Variants in LRRC17 observed in about 807,000 individuals in gnomAD.
The protein encoded by LRRC17 is leucine rich repeat containing 17, also known as leucine-rich repeat-containing protein 17.
LRRC17 carries 33 observed loss-of-function variants against 41.5 expected under a neutral mutation model. The ratio of observed to expected loss-of-function variants is 0.80; its 90% confidence interval spans 0.60 to 1.06. The LOEUF (loss-of-function observed/expected upper bound fraction) is 1.06. LRRC17 is among the 50% of genes least tolerant of loss of function. The pLI is 0.00. For missense variants in LRRC17, 491 were observed against 519.3 expected (o/e 0.95, Z 0.53); for synonymous variants, 192 against 197.0 (o/e 0.97, Z 0.21).
At position 102,933,959 on chromosome 7, in the gene LRRC17, G is replaced by A; in HGVS notation, c.46G>A (p.Ala16Thr). The change falls in exon 2 of 4, where the codon GCT (alanine) becomes ACT (threonine). Residue 16 changes from alanine (A) to threonine (T), a missense_variant. Transcript: ENST00000339431. ...AATCTTGCTCTGCTTTTGCAAAGCG[G>A]CTGAGCTGCGCAAAGCAAGCCCAGG... ...IVILLCFCKAAELRKASPGSV... is the reference protein window; with the variant it reads ...IVILLCFCKATELRKASPGSV... The A allele has an allele frequency of 6.2e-7, 1 of 1,613,554 alleles. No individual in the cohort carries two copies. Among genetic ancestry groups the A allele is most frequent in the Non-Finnish European group, 8.5e-7 (1 of 1,179,640 alleles).
intron 1 of LRRC17, among the ~76,000 whole-genome samples, chr7:102,921,628 C>T (rs1246960116): frequency 2.0e-5 from 3 of 151,300 alleles, no homozygotes; most frequent in African/African-American, 7.3e-5. Context: ...TATGGTGAGC[C>T]GAGATCATAC....
chr7:102,923,362 A>G (rs1321885931), intron 1 of LRRC17, among the ~76,000 whole-genome samples: 3 of 152,166 alleles, frequency 2.0e-5, no homozygotes, highest in African/African-American at 7.2e-5. Context: ...ATATTGGCCA[A>G]TTCCAAGCTA....
chr7:102,942,315 T>C, intron 3 of LRRC17: 2 of 1,595,320 alleles, frequency 1.3e-6, no homozygotes, highest in Admixed American at 1.7e-5. Context: ...ACCCTGCAAG[T>C]AGACTTACGT....
intron 3 of LRRC17, chr7:102,942,257 A>T: frequency 1.3e-6 from 2 of 1,558,692 alleles, no homozygotes; most frequent in Non-Finnish European, 8.7e-7. Flanking sequence ...TGACCTAAAG[A>T]AGTTTTAAAA....
intron 1 of LRRC17, among the ~76,000 whole-genome samples, chr7:102,922,568 C>G (rs1817268182): frequency 6.6e-6 from 1 of 152,084 alleles, no homozygotes; most frequent in Non-Finnish European, 1.5e-5. Flanking sequence ...ATAAAACATA[C>G]CATATTCTTT....
chr7:102,915,001 G>A (rs894372719), intron 1 of LRRC17, among the ~76,000 whole-genome samples: 1 of 152,036 alleles, frequency 6.6e-6, no homozygotes, highest in Non-Finnish European at 1.5e-5. Context: ...GTGACACAGT[G>A]CAAAATACAC....
At position 102,944,211 on chromosome 7, in the gene LRRC17, C is replaced by T. The variant is rs149961330; in HGVS notation, c.930C>T (p.Ala310=). The change falls in exon 4 of 4, where the codon GCC becomes GCT. Residue 310 remains alanine, a splice_region_variant and synonymous_variant. Transcript: ENST00000339431. ...SSNGIEFIDP[A]AFLGLTHLEE... ...TCAATAAATATTTTCTGTTTCCAGCCGCTTTTTTAGGGCTCACACATTTAG... is the reference window on the plus strand; with the variant it reads ...TCAATAAATATTTTCTGTTTCCAGCTGCTTTTTTAGGGCTCACACATTTAG... 14 of 1,597,242 alleles carry T rather than the reference C, an allele frequency of 8.8e-6. No individual in the cohort carries two copies. Among genetic ancestry groups the T allele is most frequent in the East Asian group, 2.2e-5 (1 of 44,806 alleles).
intron 1 of LRRC17, among the ~76,000 whole-genome samples, chr7:102,917,501 G>A (rs1448740438): frequency 6.6e-6 from 1 of 152,194 alleles, no homozygotes; most frequent in Non-Finnish European, 1.5e-5. Flanking sequence ...AATCACTGCA[G>A]ACTTCTGGTA....
Position 102,913,156 on chromosome 7 carries a change from C to T in LRRC17, c.-141+11C>T, listed in dbSNP as rs17135923. 6.2e-7 allele frequency: 1 copy of T among 1,613,802 alleles called. No homozygotes were observed. The highest frequency in any genetic ancestry group is 2.2e-5 in the East Asian group (1 of 44,872). ...ATTCCCCAAGTTCAGGTACTGTAAG[C>T]CTTTGTCTGTGAACCGTCTGCAATA... is the stretch of plus-strand genomic sequence containing the variant. On this transcript the variant is annotated intron_variant, in intron 1 of 3. Coordinates refer to ENST00000339431, the MANE Select transcript of LRRC17 (RefSeq NM_001031692.3).
At chr7:102,918,647 C>T (rs1305086790) in intron 1 of LRRC17, among the ~76,000 whole-genome samples, 2 of 152,100 alleles carry the variant, frequency 1.3e-5, no homozygotes, top group Non-Finnish European at 2.9e-5. Flanking sequence ...GAGATCTTGT[C>T]TCTACAAAAG....
chr7:102,916,438 A>C (rs1412762838), intron 1 of LRRC17, among the ~76,000 whole-genome samples: 1 of 152,096 alleles, frequency 6.6e-6, no homozygotes, highest in African/African-American at 2.4e-5. Context: ...TGGATTGAAA[A>C]TCTCTGGATA....
chr7:102,923,245 CTTCA>C (rs1817438965), intron 1 of LRRC17, among the ~76,000 whole-genome samples: 1 of 151,988 alleles, frequency 6.6e-6, no homozygotes, highest in Non-Finnish European at 1.5e-5. Flanking sequence ...ATTTAATTTG[CTTCA>C]TTCATTGTGT....
intron 1 of LRRC17, among the ~76,000 whole-genome samples, chr7:102,921,146 C>T (rs898436855): frequency 5.9e-5 from 9 of 151,950 alleles, no homozygotes; most frequent in Non-Finnish European, 1.2e-4. Context: ...GGCGAGACTC[C>T]GTCTCAAAAC....
chr7:102,931,795 A>G, intron 1 of LRRC17: 1 of 1,267,610 alleles, frequency 7.9e-7, no homozygotes, highest in Non-Finnish European at 1.1e-6. Flanking sequence ...CCAAATAAGC[A>G]CACAAGCATC....
At chr7:102,937,144 C>T (rs1437963453) in intron 2 of LRRC17, among the ~76,000 whole-genome samples, 1 of 152,080 alleles carries the variant, frequency 6.6e-6, no homozygotes, top group East Asian at 1.9e-4. Flanking sequence ...CATCAAAGAA[C>T]AACTTAAGTT....
Position 102,934,146 on chromosome 7 carries a change from G to A in LRRC17, c.233G>A (p.Gly78Asp). The change falls in exon 2 of 4, where the codon GGT (glycine) becomes GAT (aspartate). Residue 78 changes from glycine to aspartate, a missense_variant. Physicochemically the swap from Gly to Asp is moderately conservative, Grantham distance 94. Transcript: ENST00000339431. ...AGAAAATTAGTTTATGTGCTGCCTGGTTGGCCTCAGGATTTGCTGCACATG... is the reference window on the plus strand; with the variant it reads ...AGAAAATTAGTTTATGTGCTGCCTGATTGGCCTCAGGATTTGCTGCACATG... ...QERKLVYVLP[G>D]WPQDLLHMLL... 6.2e-7 allele frequency: 1 copy of A among 1,614,182 alleles called. No individual in the cohort carries two copies. The highest frequency in any genetic ancestry group is 1.1e-5 in the South Asian group (1 of 91,078).
At chr7:102,941,696 G>T (rs2129475550) in intron 3 of LRRC17, among the ~76,000 whole-genome samples, 1 of 150,672 alleles carries the variant, frequency 6.6e-6, no homozygotes, top group South Asian at 2.1e-4. Flanking sequence ...TCATCCACAA[G>T]CAAAACTGTA....
At chr7:102,917,188 T>C (rs1217967631) in intron 1 of LRRC17, among the ~76,000 whole-genome samples, 1 of 152,212 alleles carries the variant, frequency 6.6e-6, no homozygotes, top group Admixed American at 6.5e-5. Context: ...AGGGTAGACC[T>C]TGAAGTTGTC....
intron 1 of LRRC17, among the ~76,000 whole-genome samples, chr7:102,924,703 G>A (rs1315108917): frequency 3.4e-5 from 5 of 146,394 alleles, no homozygotes; most frequent in South Asian, 2.1e-4. Context: ...GTGCAGTGGC[G>A]CAATCTTGGC....
Sources: gnomAD v4.1 joint callset for allele counts (sites outside exome capture counted in the v4.1 genomes callset) on GRCh38, gnomAD v4.1.1 for gene constraint, MANE v1.5 for transcripts, NCBI Gene and HGNC (gene_info 2026-07-23, HGNC 2026-07-21) for gene names.